DPP6: variants seen among roughly 807,000 people sequenced by gnomAD.
DPP6 encodes A-type potassium channel modulatory protein DPP6.
Under a neutral mutation model 122.6 loss-of-function variants are expected in DPP6, and 69 were observed. The ratio of observed to expected loss-of-function variants is 0.56; its 90% confidence interval spans 0.46 to 0.69. The LOEUF (loss-of-function observed/expected upper bound fraction) is 0.69, where lower values mean the gene tolerates loss of function less well. DPP6 is among the 30% of genes least tolerant of loss of function. DPP6 has a pLI of 0.00. For missense variants in DPP6, 928 were observed against 1,116.9 expected, an observed-to-expected ratio of 0.83 and a Z score of 2.41; for synonymous variants, 418 against 433.1, an observed-to-expected ratio of 0.97 and a Z score of 0.43.
At chr7:153,782,938 A>G in the DPP6 span, among the ~76,000 whole-genome samples, 1 of 152,178 alleles carries the variant, frequency 6.6e-6, no homozygotes, top group Admixed American at 6.5e-5. Context: ...CATGTGCGAT[A>G]CTTGTATAGA....
At chr7:154,574,466 GTA>G (rs1401272751) in intron 5 of DPP6, among the ~76,000 whole-genome samples, 1 of 127,184 alleles carries the variant, frequency 7.9e-6, no homozygotes, top group East Asian at 2.6e-4. Flanking sequence ...TGTGGTACGT[GTA>G]TATGTGTGTG....
intron 1 of DPP6, among the ~76,000 whole-genome samples, chr7:154,444,487 T>A (rs1379326845): frequency 1.3e-5 from 2 of 152,072 alleles, no homozygotes; most frequent in African/African-American, 2.4e-5. Context: ...GAAACAATAC[T>A]CAAAAGATAT....
chr7:154,137,650 T>TGGGGGGGGGGGGGGGG (rs1419049474), intron 1 of DPP6, among the ~76,000 whole-genome samples: 2 of 10,086 alleles, frequency 2.0e-4, no homozygotes, highest in African/African-American at 3.6e-4. Flanking sequence ...GTGGGGGGGG[T>TGGGGGGGGGGGGGGGG]GGGGGGGTGG....
intron 6 of DPP6, among the ~76,000 whole-genome samples, chr7:154,648,173 T>C (rs1836622353): frequency 6.6e-6 from 1 of 150,620 alleles, no homozygotes; most frequent in Admixed American, 6.6e-5. Context: ...GACAGGAGAA[T>C]CGTTTGAACC....
At chr7:154,883,876 CAT>C (rs1805759037) in intron 21 of DPP6, 1 of 68,840 alleles carries the variant, frequency 1.5e-5, no homozygotes, top group Admixed American at 1.3e-4. Context: ...CATGCTCCCA[CAT>C]ACATACATGC....
intron 1 of DPP6, among the ~76,000 whole-genome samples, chr7:154,417,554 C>G (rs1407103262): frequency 6.6e-6 from 1 of 152,140 alleles, no homozygotes; most frequent in Non-Finnish European, 1.5e-5. Flanking sequence ...TTTTCCCTCC[C>G]CACCTCCCAC....
intron 1 of DPP6, among the ~76,000 whole-genome samples, chr7:154,415,098 C>T (rs1816913883): frequency 1.3e-5 from 2 of 152,130 alleles, no homozygotes; most frequent in Admixed American, 6.5e-5. Flanking sequence ...CCTGATAGAT[C>T]CTTCTTCCTC....
chr7:153,869,490 T>A, the DPP6 span, among the ~76,000 whole-genome samples: 1 of 152,188 alleles, frequency 6.6e-6, no homozygotes, highest in African/African-American at 2.4e-5. Context: ...CCTTTTTTTG[T>A]TTTCCATTTG....
At chr7:154,300,690 A>G (rs980255048) in intron 1 of DPP6, among the ~76,000 whole-genome samples, 1 of 152,270 alleles carries the variant, frequency 6.6e-6, no homozygotes, top group Non-Finnish European at 1.5e-5. Context: ...AAGGGCTTGG[A>G]TCAAACATCT....
chr7:154,070,180 C>G (rs905153696), intron 1 of DPP6, among the ~76,000 whole-genome samples: 2 of 144,964 alleles, frequency 1.4e-5, no homozygotes, highest in Admixed American at 7.1e-5. Context: ...GAAAGTTTCC[C>G]TAGAGCTCCA....
chr7:154,497,715 A>G (rs957107922), intron 3 of DPP6, among the ~76,000 whole-genome samples: 2 of 152,210 alleles, frequency 1.3e-5, no homozygotes, highest in African/African-American at 4.8e-5. Context: ...TTGAAAATAG[A>G]ATAAATGTAT....
intron 2 of DPP6, among the ~76,000 whole-genome samples, chr7:154,448,320 C>G (rs1820061038): frequency 1.3e-5 from 2 of 151,982 alleles, no homozygotes; most frequent in South Asian, 4.1e-4. Flanking sequence ...GAAAATGATT[C>G]CACTTAAAAT....
chr7:154,608,320 CAT>C (rs35662023), intron 5 of DPP6, among the ~76,000 whole-genome samples: 1,912 of 90,002 alleles, frequency 0.021, 158 homozygotes, highest in South Asian at 0.051. Flanking sequence ...TAGGAGTGAT[CAT>C]ATATATATAT....
chr7:154,061,053 C>T (rs1376780005), intron 1 of DPP6, among the ~76,000 whole-genome samples: 14 of 140,400 alleles, frequency 1.0e-4, no homozygotes, highest in Non-Finnish European at 2.1e-4. Context: ...GTGGGATTTA[C>T]GATCCGACGG....
In DPP6 at chr7:154,337,162, G is replaced by T. The variant is rs920107181; in HGVS notation, c.244-109052G>T. The stretch of plus-strand genomic sequence containing the variant: ...CAAAGTTGAACCTAAACTAACTCCT[G>T]TTGGGAGGCAGACTAGGGACAAGTG... On this transcript the variant is annotated intron_variant, in intron 1 of 25. Coordinates refer to ENST00000377770, the MANE Select transcript of DPP6 (RefSeq NM_130797.4). Among the ~76,000 whole-genome samples, 4 of 152,186 alleles carry T rather than the reference G, an allele frequency of 2.6e-5. No individual in the cohort carries two copies. In the South Asian group the frequency reaches 6.2e-4, roughly 24 times the overall value.
At chr7:154,766,491 C>T (rs2131536288) in intron 8 of DPP6, among the ~76,000 whole-genome samples, 1 of 152,120 alleles carries the variant, frequency 6.6e-6, no homozygotes, top group Admixed American at 6.5e-5. Flanking sequence ...ATTTTTAGTA[C>T]AGACAGGGTT....
At chr7:154,724,306 G>A (rs965188728) in intron 7 of DPP6, among the ~76,000 whole-genome samples, 7 of 152,130 alleles carry the variant, frequency 4.6e-5, no homozygotes, top group African/African-American at 1.7e-4. Flanking sequence ...CTCTGCAGAT[G>A]GTTCTCTATC....
At chr7:154,177,867 C>T (rs1050976694) in intron 1 of DPP6, among the ~76,000 whole-genome samples, 2 of 152,128 alleles carry the variant, frequency 1.3e-5, no homozygotes, top group East Asian at 1.9e-4. Context: ...AACCCATAGG[C>T]GATGTTGTTG....
intron 3 of DPP6, among the ~76,000 whole-genome samples, chr7:154,510,052 C>T (rs899356037): frequency 6.6e-6 from 1 of 152,102 alleles, no homozygotes; most frequent in African/African-American, 2.4e-5. Flanking sequence ...CGTTAAAGAC[C>T]ATTAAATTGT....
Sources: allele counts gnomAD v4.1 joint callset (sites outside exome capture counted in the v4.1 genomes callset), GRCh38; gene constraint gnomAD v4.1.1; transcripts MANE v1.5; gene names NCBI Gene and HGNC (gene_info 2026-07-23, HGNC 2026-07-21).